SLK: variants seen among roughly 807,000 people sequenced by gnomAD.
The protein encoded by SLK is STE20-like serine/threonine-protein kinase.
SLK carries 67 observed loss-of-function variants against 147.7 expected under a neutral mutation model. The observed-to-expected ratio is 0.45, with a 90% confidence interval of 0.37 to 0.56. The LOEUF (loss-of-function observed/expected upper bound fraction) is 0.56, where lower values mean the gene tolerates loss of function less well. Ranked by LOEUF, SLK falls within the 20% of genes least tolerant of loss-of-function variation. SLK has a pLI of 0.00. For missense variants in SLK, 1,136 were observed against 1,438.8 expected (o/e 0.79, Z 3.41); for synonymous variants, 441 against 475.0 (o/e 0.93, Z 0.93).
At chr10:104,001,359 C>A in intron 7 of SLK, 85 bp from the exon 8 acceptor site, 1 of 1,033,762 alleles carries the variant, frequency 9.7e-7, no homozygotes, top group South Asian at 1.7e-5. Flanking sequence ...TATTTTTTAC[C>A]ACATAAGAAT....
intron 1 of SLK, among the ~76,000 whole-genome samples, chr10:103,981,436 T>G (rs1843940884): frequency 6.6e-6 from 1 of 152,136 alleles, no homozygotes; most frequent in Non-Finnish European, 1.5e-5. Context: ...ATCATAAAGC[T>G]TTTGCCTCAT....
intron 4 of SLK, among the ~76,000 whole-genome samples, chr10:103,998,147 A>G (rs1055392906): frequency 6.6e-6 from 1 of 152,234 alleles, no homozygotes; most frequent in African/African-American, 2.4e-5. Flanking sequence ...AACAAAGGTT[A>G]GAATTGTGAA....
chr10:103,980,381 A>G (rs1231660504), intron 1 of SLK, among the ~76,000 whole-genome samples: 1 of 152,158 alleles, frequency 6.6e-6, no homozygotes, highest in Non-Finnish European at 1.5e-5. Context: ...TTAAATGTCT[A>G]GTTCAGTGGT....
At position 103,967,627 on chromosome 10, in the gene SLK, C is replaced by T; in HGVS notation, c.-119C>T. 1.3e-6 allele frequency: 1 copy of T among 768,336 alleles called. No homozygotes were observed. The highest frequency in any genetic ancestry group is 1.8e-6 in the Non-Finnish European group (1 of 557,558). 47.6% of individuals were successfully genotyped at this position (768,336 alleles called of 1,614,324 possible). Reference sequence around the variant, plus strand: ...GACCGCCCGGCCGGAGCTGCGGGGGCCGAGGGACGCCGCGCCCGCCGCCGC... The same window carrying T: ...GACCGCCCGGCCGGAGCTGCGGGGGTCGAGGGACGCCGCGCCCGCCGCCGC... On this transcript the variant is annotated 5_prime_UTR_variant, in exon 1 of 19. Transcript: ENST00000369755.
At chr10:103,999,040 G>T (rs1589535886) in intron 5 of SLK, 69 bp downstream of exon 5, 2 of 1,535,738 alleles carry the variant, frequency 1.3e-6, no homozygotes, top group Non-Finnish European at 1.8e-6. Context: ...ATGAATTTTT[G>T]TCCACATAAT....
In SLK at chr10:104,002,375, A is replaced by G. The variant is rs773074185; in HGVS notation, c.1197A>G (p.Glu399=). 3 of 1,613,656 alleles carry G rather than the reference A, an allele frequency of 1.9e-6. No homozygotes were observed. The highest frequency in any genetic ancestry group is 2.2e-5 in the East Asian group (1 of 44,864). Residue 399 remains glutamate (E), a synonymous_variant, in exon 9 of 19, where the codon GAA becomes GAG. Coordinates refer to ENST00000369755, the MANE Select transcript of SLK (RefSeq NM_014720.4). ...AAAAGGCTGTGGAGGATATTAATGA[A>G]CATATTACCGATGCTCAGTTAGAAG... ...EPEKAVEDIN[E]HITDAQLEAM...
intron 14 of SLK, among the ~76,000 whole-genome samples, 171 bp downstream of exon 14, chr10:104,018,460 G>C (rs57428511): frequency 6.6e-6 from 1 of 152,110 alleles, no homozygotes; most frequent in Non-Finnish European, 1.5e-5. Context: ...ATACCTAATG[G>C]TCGTGTGTTA....
In SLK at chr10:103,999,296, A is replaced by G. The variant is rs1844214942; in HGVS notation, c.765A>G (p.Leu255=). ...LKIAKSEPPT[L]AQPSRWSSNF... is the part of the protein sequence containing the mutation. ...TAGCAAAATCTGAGCCACCTACATT[A>G]GCACAGCCATCCAGATGGTAAAAAT... The change falls in exon 6 of 19, where the codon TTA becomes TTG. Residue 255 remains leucine, a synonymous_variant. Transcript: ENST00000369755. The G allele has an allele frequency of 2.5e-6, 4 of 1,608,788 alleles. No homozygotes were observed. Among genetic ancestry groups the G allele is most frequent in the Non-Finnish European group, 2.5e-6 (3 of 1,178,280 alleles).
chr10:103,998,912 A>G lies in SLK; in HGVS notation c.528A>G (p.Val176=), dbSNP rs10883960. The G allele has an allele frequency of 0.23, 361,614 of 1,604,104 alleles. 42,078 individuals are homozygous for G. The highest frequency in any genetic ancestry group is 0.24 in the Non-Finnish European group (279,061 of 1,171,248). The change falls in exon 5 of 19, where the codon GTA becomes GTG. Residue 176 remains valine, a synonymous_variant. Transcript: ENST00000369755. ...GATTATTTCAAGCGGATTTTGGAGT[A>G]TCAGCTAAAAACACGAGGACAATTC... is the stretch of plus-strand genomic sequence containing the variant. ...DGDIKLADFG[V]SAKNTRTIQR...
rs575985111 is a variant in SLK at position 104,022,887 on chromosome 10, C to T, written c.3561+1154C>T. Reference sequence around the variant, plus strand: ...CCTCTCGAAGTGCTGGGATTATAGGCGTGAGCCACCATGCCCGGCCCATAG... The same window carrying T: ...CCTCTCGAAGTGCTGGGATTATAGGTGTGAGCCACCATGCCCGGCCCATAG... On this transcript the variant is annotated intron_variant, in intron 18 of 18. Transcript: ENST00000369755. Among the ~76,000 whole-genome samples, 4 of 152,146 alleles carry T rather than the reference C, an allele frequency of 2.6e-5. No homozygotes were observed. In the South Asian group the frequency reaches 6.2e-4, roughly 24 times the overall value.
chr10:103,998,707 C>T (rs2476955), intron 4 of SLK, among the ~76,000 whole-genome samples, 192 bp from the exon 5 acceptor site: 32,463 of 151,944 alleles, frequency 0.21, 3,845 homozygotes, highest in African/African-American at 0.32. Flanking sequence ...GGATCTTTAG[C>T]AGGTTTTTTT....
chr10:104,011,059 A>C, intron 13 of SLK, 151 bp downstream of exon 13: 1 of 468,500 alleles, frequency 2.1e-6, no homozygotes, highest in East Asian at 3.4e-5. Flanking sequence ...TCTTTATTTA[A>C]TACTAAATTC....
At chr10:104,008,803 T>G (rs949770882) in intron 12 of SLK, among the ~76,000 whole-genome samples, 6 of 152,252 alleles carry the variant, frequency 3.9e-5, no homozygotes, top group African/African-American at 1.4e-4. Context: ...TATTTATAAG[T>G]TATTTTTCAT....
intron 10 of SLK, 77 bp downstream of exon 10, chr10:104,005,768 A>G: frequency 6.6e-7 from 1 of 1,512,244 alleles, no homozygotes. Context: ...GAATAGAGAA[A>G]CAAGGGTAAA....
At position 103,996,387 on chromosome 10, in the gene SLK, T is replaced by C. The variant is rs975570477; in HGVS notation, c.515-2512T>C. ...TTTGACCAGTCTTTTCTAATAAATA[T>C]TTTTTTTCTTTTCTTTTTTTTTTTT... is the stretch of plus-strand genomic sequence containing the variant. On this transcript the variant is annotated intron_variant, in intron 4 of 18. Transcript: ENST00000369755. Among the ~76,000 whole-genome samples, 54 of 147,818 alleles carry C rather than the reference T, an allele frequency of 3.7e-4. 1 individual carries two copies. The South Asian group carries it at 4.7e-3, about 13-fold the overall frequency.
At chr10:103,976,826 G>C (rs1843877944) in intron 1 of SLK, among the ~76,000 whole-genome samples, 1 of 152,236 alleles carries the variant, frequency 6.6e-6, no homozygotes. Flanking sequence ...GCCTTTTCTA[G>C]AATTTTTTAA....
chr10:103,987,140 A>AT (rs1184760663), intron 1 of SLK, among the ~76,000 whole-genome samples: 1 of 152,142 alleles, frequency 6.6e-6, no homozygotes, highest in Non-Finnish European at 1.5e-5. Context: ...CTGATGAGTA[A>AT]TCATGTTATT....
chr10:103,986,870 G>A (rs1284642162), intron 1 of SLK, among the ~76,000 whole-genome samples: 1 of 152,038 alleles, frequency 6.6e-6, no homozygotes, highest in Non-Finnish European at 1.5e-5. Flanking sequence ...TAGGAATGGG[G>A]TTTCACCATG....
At chr10:103,986,612 G>C (rs1287811856) in intron 1 of SLK, among the ~76,000 whole-genome samples, 1 of 151,762 alleles carries the variant, frequency 6.6e-6, no homozygotes, top group Non-Finnish European at 1.5e-5. Context: ...CTGGTTTGTG[G>C]CCCTGTGGTT....
Sources: allele counts gnomAD v4.1 joint callset (sites outside exome capture counted in the v4.1 genomes callset), GRCh38; gene constraint gnomAD v4.1.1; transcripts MANE v1.5; gene names NCBI Gene and HGNC (gene_info 2026-07-23, HGNC 2026-07-21).